ADAMTS9: variants seen among roughly 807,000 people sequenced by gnomAD.
The protein encoded by ADAMTS9 is A disintegrin and metalloproteinase with thrombospondin motifs 9.
A neutral mutation model predicts 257.1 loss-of-function variants in ADAMTS9; 107 were observed. The ratio of observed to expected loss-of-function variants is 0.42; its 90% CI spans 0.36 to 0.49. The LOEUF (loss-of-function observed/expected upper bound fraction) is 0.49, where lower values mean the gene tolerates loss of function less well. Ranked by LOEUF, ADAMTS9 falls within the 20% of genes least tolerant of loss-of-function variation. The pLI, the probability that ADAMTS9 is intolerant of heterozygous loss-of-function variation, is 0.03. For synonymous variants in ADAMTS9, 982 were observed against 880.9 expected (o/e 1.11, Z -2.03); for missense variants, 2,353 against 2,469.1 (o/e 0.95, Z 1.00).
At chr3:64,550,725 C>G in intron 31 of ADAMTS9, 167 bp downstream of exon 31, 1 of 766,378 alleles carries the variant, frequency 1.3e-6, no homozygotes, top group Non-Finnish European at 2.1e-6. Flanking sequence ...ACAAGGAATT[C>G]TAGCTTGGGA....
chr3:64,564,396 T>C (rs2083487887), intron 29 of ADAMTS9, among the ~76,000 whole-genome samples: 1 of 152,204 alleles, frequency 6.6e-6, no homozygotes. Context: ...GAAATAGTTT[T>C]ATATACTTTC....
chr3:64,591,377 T>C (rs952865780), intron 28 of ADAMTS9, among the ~76,000 whole-genome samples: 5 of 151,248 alleles, frequency 3.3e-5, no homozygotes, highest in Admixed American at 6.6e-5. Context: ...GAGGAGGAGG[T>C]TGCAGTGAGC....
chr3:64,611,152 T>A (rs192611990), intron 22 of ADAMTS9, among the ~76,000 whole-genome samples: 1 of 143,422 alleles, frequency 7.0e-6, no homozygotes. Flanking sequence ...TAGATACACA[T>A]CCAAAAGAAG....
In ADAMTS9 at chr3:64,533,281, C is replaced by G. The variant is rs752659873; in HGVS notation, c.5614-11G>C. On this transcript the variant is annotated splice_polypyrimidine_tract_variant and intron_variant, in intron 37 of 39. Coordinates refer to ENST00000498707, the MANE Select transcript of ADAMTS9 (RefSeq NM_182920.2). ...GATGCTAAAACGACCCTGGAAAACA[C>G]GACCAACAAAAGAGATTTTCAGTCC... is the stretch of plus-strand genomic sequence containing the variant. 9 of 1,609,974 alleles carry G rather than the reference C, an allele frequency of 5.6e-6. No homozygotes were observed. The highest frequency in any genetic ancestry group is 7.7e-6 in the Non-Finnish European group (9 of 1,176,384).
At chr3:64,614,479 G>A (rs577874058) in intron 21 of ADAMTS9, among the ~76,000 whole-genome samples, 14 of 152,280 alleles carry the variant, frequency 9.2e-5, no homozygotes, top group African/African-American at 3.4e-4. Context: ...CACTTATAAG[G>A]ATGGGATAAG....
chr3:64,631,367 C>T (rs1700363328), intron 16 of ADAMTS9, 88 bp downstream of exon 16: 8 of 1,051,568 alleles, frequency 7.6e-6, no homozygotes, highest in Non-Finnish European at 1.2e-5. Flanking sequence ...GAAAGCTCTG[C>T]CTCTGCATGC....
At chr3:64,578,424 G>T (rs995557976) in intron 28 of ADAMTS9, among the ~76,000 whole-genome samples, 1 of 152,128 alleles carries the variant, frequency 6.6e-6, no homozygotes, top group African/African-American at 2.4e-5. Flanking sequence ...ATGGTTTTCT[G>T]CAAATTCAAA....
intron 16 of ADAMTS9, among the ~76,000 whole-genome samples, chr3:64,626,871 G>A (rs550379526): frequency 5.9e-5 from 9 of 152,188 alleles, no homozygotes; most frequent in Admixed American, 2.6e-4. Flanking sequence ...TGACAACCTC[G>A]TCTTGCCTGC....
intron 3 of ADAMTS9, among the ~76,000 whole-genome samples, chr3:64,680,880 A>C (rs754109828): frequency 6.6e-6 from 1 of 152,158 alleles, no homozygotes; most frequent in Non-Finnish European, 1.5e-5. Context: ...TCATGACCTG[A>C]ATATTACTCA....
Position 64,598,630 on chromosome 3 carries a change from C to T in ADAMTS9, c.4018-1639G>A, listed in dbSNP as rs557118650. On this transcript the variant is annotated intron_variant, in intron 26 of 39. Transcript: ENST00000498707. ...CCACCATGCCTGGCCTTACTTCCTA[C>T]CTTCCTACTTTTAAGCAGCTTAGTA... is the stretch of plus-strand genomic sequence containing the variant. 5.3e-5 allele frequency among the ~76,000 whole-genome samples: 8 copies of T among 152,136 alleles called. No individual in the cohort carries two copies. The South Asian group carries it at 1.5e-3, about 28-fold the overall frequency.
At chr3:64,616,549 A>G (rs76914566) in intron 19 of ADAMTS9, among the ~76,000 whole-genome samples, 304 of 152,276 alleles carry the variant, frequency 2.0e-3, no homozygotes, top group African/African-American at 7.0e-3. Flanking sequence ...TATATTTTAT[A>G]CAATTCAATT....
chr3:64,542,351 T>C (rs531827154), intron 32 of ADAMTS9, among the ~76,000 whole-genome samples: 7 of 152,136 alleles, frequency 4.6e-5, no homozygotes, highest in African/African-American at 1.7e-4. Flanking sequence ...TTCAAGGTCA[T>C]AGTGGAGCCA....
rs769026364 is a variant in ADAMTS9 at position 64,546,999 on chromosome 3, G to A, written c.4870-47C>T. The A allele has an allele frequency of 7.1e-6, 11 of 1,552,344 alleles. No homozygotes were observed. The East Asian group carries it at 1.8e-4, about 25-fold the overall frequency. On this transcript the variant is annotated intron_variant, in intron 31 of 39. Transcript: ENST00000498707. ...GGAGAGGTTCGAGCAGTTCCTGGGG[G>A]CAGCCCACAATAGGCCCCTGACCTC...
At position 64,541,192 on chromosome 3, in the gene ADAMTS9, G is replaced by T; in HGVS notation, c.5424C>A (p.Ser1808Arg). ...HNPTECPYNG[S>R]RRDDCQCRKD... ...TCCGACATTGGCAGTCATCGCGCCGGCTCCCGTTATAGGGACATTCTGTTG... is the reference window on the plus strand; with the variant it reads ...TCCGACATTGGCAGTCATCGCGCCGTCTCCCGTTATAGGGACATTCTGTTG... The change falls in exon 36 of 40, where the codon AGC (serine) becomes AGA (arginine). Residue 1808 changes from serine (S) to arginine (R), a missense_variant. Coordinates refer to ENST00000498707, the MANE Select transcript of ADAMTS9 (RefSeq NM_182920.2). 6.2e-7 allele frequency: 1 copy of T among 1,614,164 alleles called. No homozygotes were observed. The highest frequency in any genetic ancestry group is 1.1e-5 in the South Asian group (1 of 91,072).
At chr3:64,682,582 C>T (rs183682421) in intron 2 of ADAMTS9, among the ~76,000 whole-genome samples, 20 of 152,302 alleles carry the variant, frequency 1.3e-4, no homozygotes, top group African/African-American at 4.6e-4. Context: ...TCTTCTCCTC[C>T]GCTTTCTCAT....
chr3:64,645,542 C>T lies in ADAMTS9; in HGVS notation c.1710+2398G>A, dbSNP rs181477730. Among the ~76,000 whole-genome samples, 262 of 152,326 alleles carry T rather than the reference C, an allele frequency of 1.7e-3. 1 individual carries two copies. The highest frequency in any genetic ancestry group is 6.1e-3 in the African/African-American group (254 of 41,564). On this transcript the variant is annotated intron_variant, in intron 11 of 39. Coordinates refer to ENST00000498707, the MANE Select transcript of ADAMTS9 (RefSeq NM_182920.2). ...CTAGCATATAGAGAAAAGGCACATA[C>T]TGGCAACTCTATGAAAAAGAAACAA...
At position 64,533,240 on chromosome 3, in the gene ADAMTS9, C is replaced by T. The variant is rs768864213; in HGVS notation, c.5644G>A (p.Gly1882Ser). 7 of 1,605,536 alleles carry T rather than the reference C, an allele frequency of 4.4e-6. No homozygotes were observed. The highest frequency in any genetic ancestry group is 1.3e-5 in the African/African-American group (1 of 74,554). ...GRFSINLYGT[G>S]LSLTESARWI... ...CTGGCAGATTCAGTTAAAGACAAGC[C>T]GGTTCCATAAAGGTTGATGCTAAAA... is the stretch of plus-strand genomic sequence containing the variant. Residue 1882 changes from glycine to serine, a missense_variant, in exon 38 of 40, where the codon GGC (glycine) becomes AGC (serine). By Grantham distance (56) the Gly-to-Ser change is moderately conservative (BLOSUM62 0). Coordinates refer to ENST00000498707, the MANE Select transcript of ADAMTS9 (RefSeq NM_182920.2).
At chr3:64,602,738 A>G (rs1486756055) in intron 25 of ADAMTS9, among the ~76,000 whole-genome samples, 1 of 152,018 alleles carries the variant, frequency 6.6e-6, no homozygotes, top group Non-Finnish European at 1.5e-5. Flanking sequence ...GCCTTTTTTG[A>G]CCACCCTCTC....
intron 28 of ADAMTS9, among the ~76,000 whole-genome samples, chr3:64,591,170 G>A (rs1245831785): frequency 6.6e-6 from 1 of 152,154 alleles, no homozygotes; most frequent in Non-Finnish European, 1.5e-5. Context: ...GCTGGGCATG[G>A]TGGCTCATGT....
Sources: allele counts gnomAD v4.1 joint callset (sites outside exome capture counted in the v4.1 genomes callset), GRCh38; gene constraint gnomAD v4.1.1; transcripts MANE v1.5; gene names NCBI Gene and HGNC (gene_info 2026-07-23, HGNC 2026-07-21).